PDGFC: variants seen among roughly 807,000 people sequenced by gnomAD.
PDGFC encodes platelet-derived growth factor C.
PDGFC carries 12 observed loss-of-function variants against 35.5 expected under a neutral mutation model. The observed-to-expected ratio is 0.34, with a 90% CI of 0.22 to 0.55. The LOEUF (loss-of-function observed/expected upper bound fraction) is 0.55, where lower values mean the gene tolerates loss of function less well. Among genes scored for constraint, PDGFC ranks in the 20% least tolerant of loss-of-function variants. PDGFC has a pLI of 0.91. For missense variants in PDGFC, 322 were observed against 412.4 expected (o/e 0.78, Z 1.90); for synonymous variants, 159 against 148.8 (o/e 1.07, Z -0.50).
At chr4:156,937,502 C>T (rs1731711524) in intron 1 of PDGFC, among the ~76,000 whole-genome samples, 1 of 152,034 alleles carries the variant, frequency 6.6e-6, no homozygotes, top group African/African-American at 2.4e-5. Flanking sequence ...GAGTTCAAGA[C>T]CAGCCTGGGC....
rs775223528 is a variant in PDGFC, at chr4:156,839,388, C to G, written c.314+10833G>C. On this transcript the variant is annotated intron_variant, in intron 2 of 5. Coordinates refer to ENST00000502773, the MANE Select transcript of PDGFC (RefSeq NM_016205.3). ...CCCTTTTGCTAGGCACTTCTTCCTG[C>G]CCCCATGTGAAGAAGGATGTGTTTG... Among the ~76,000 whole-genome samples, 65 of 152,138 alleles carry G rather than the reference C, an allele frequency of 4.3e-4. 2 individuals are homozygous for G. The highest frequency in any genetic ancestry group is 2.5e-3 in the Admixed American group (38 of 15,276).
At chr4:156,897,182 G>T (rs926828778) in intron 1 of PDGFC, among the ~76,000 whole-genome samples, 4 of 152,118 alleles carry the variant, frequency 2.6e-5, no homozygotes, top group Non-Finnish European at 1.5e-5. Context: ...TAAACAGAGA[G>T]ACATTTGACT....
chr4:156,827,215 A>G (rs1356559580), intron 2 of PDGFC, among the ~76,000 whole-genome samples: 4 of 152,152 alleles, frequency 2.6e-5, no homozygotes, highest in Non-Finnish European at 5.9e-5. Context: ...CAGGAGATTG[A>G]GACCATCCTG....
intron 4 of PDGFC, 37 bp from the exon 5 acceptor site, chr4:156,768,027 T>C: frequency 8.3e-7 from 1 of 1,202,748 alleles, no homozygotes; most frequent in Non-Finnish European, 1.2e-6. Context: ...AAAATAGATG[T>C]TGATGCTTTG....
chr4:156,924,922 G>T (rs1470543464), intron 1 of PDGFC, among the ~76,000 whole-genome samples: 1 of 152,178 alleles, frequency 6.6e-6, no homozygotes, highest in African/African-American at 2.4e-5. Flanking sequence ...GAGACAGGAT[G>T]CAGGCAAAGA....
At chr4:156,821,918 T>C (rs1732273023) in intron 2 of PDGFC, among the ~76,000 whole-genome samples, 1 of 151,906 alleles carries the variant, frequency 6.6e-6, no homozygotes, top group Admixed American at 6.6e-5. Context: ...ATGACAGGGG[T>C]CAAAAATGAT....
chr4:156,965,056 C>T (rs1193958770), intron 1 of PDGFC, among the ~76,000 whole-genome samples: 1 of 152,126 alleles, frequency 6.6e-6, no homozygotes, highest in East Asian at 1.9e-4. Context: ...TATCCATTTG[C>T]CTGGTACCTG....
chr4:156,798,344 C>T (rs1193338604), intron 3 of PDGFC, among the ~76,000 whole-genome samples: 1 of 152,200 alleles, frequency 6.6e-6, no homozygotes, highest in African/African-American at 2.4e-5. Flanking sequence ...GCCTCTATGA[C>T]CTTTCAGAGA....
chr4:156,891,197 G>A (rs1730496114), intron 1 of PDGFC, among the ~76,000 whole-genome samples: 2 of 135,348 alleles, frequency 1.5e-5, no homozygotes, highest in Admixed American at 8.5e-5. Flanking sequence ...GGAAAAATGC[G>A]TGAACCCGGG....
At chr4:156,920,644 A>AACAC (rs10611712) in intron 1 of PDGFC, among the ~76,000 whole-genome samples, 1,825 of 132,000 alleles carry the variant, frequency 0.014, 48 homozygotes, top group South Asian at 0.11. Context: ...AGGAAAAGAA[A>AACAC]ACACACACAC....
At chr4:156,933,849 G>C (rs916177192) in intron 1 of PDGFC, among the ~76,000 whole-genome samples, 1 of 152,070 alleles carries the variant, frequency 6.6e-6, no homozygotes, top group Non-Finnish European at 1.5e-5. Flanking sequence ...GACGTGCCTT[G>C]CTTCCTCTTC....
chr4:156,802,189 C>T (rs540867904), intron 3 of PDGFC, among the ~76,000 whole-genome samples: 1 of 152,186 alleles, frequency 6.6e-6, no homozygotes, highest in Admixed American at 6.5e-5. Flanking sequence ...CTGGGTATAT[C>T]GTTAACTTTG....
intron 2 of PDGFC, among the ~76,000 whole-genome samples, chr4:156,817,031 T>A (rs1732106225): frequency 6.6e-6 from 1 of 152,176 alleles, no homozygotes; most frequent in African/African-American, 2.4e-5. Flanking sequence ...ATAGGCATGC[T>A]TCACAGGACT....
At chr4:156,935,609 A>G (rs1731660257) in intron 1 of PDGFC, among the ~76,000 whole-genome samples, 1 of 152,206 alleles carries the variant, frequency 6.6e-6, no homozygotes, top group South Asian at 2.1e-4. Context: ...ATCATTGACC[A>G]AAACATGGTT....
intron 1 of PDGFC, among the ~76,000 whole-genome samples, chr4:156,963,348 T>C (rs1732386749): frequency 6.6e-6 from 1 of 151,940 alleles, no homozygotes; most frequent in Non-Finnish European, 1.5e-5. Flanking sequence ...CACACACCTG[T>C]AATCCCAGCT....
At chr4:156,830,925 C>G (rs1485841966) in intron 2 of PDGFC, among the ~76,000 whole-genome samples, 3 of 152,282 alleles carry the variant, frequency 2.0e-5, no homozygotes, top group Admixed American at 6.5e-5. Context: ...GCAGAGATTG[C>G]AATGTCTTTG....
In PDGFC at chr4:156,971,434, A is replaced by G. The variant is rs889353921; in HGVS notation, c.-531T>C. On this transcript the variant is annotated 5_prime_UTR_variant, in exon 1 of 6. Transcript: ENST00000502773. Reference sequence around the variant, plus strand: ...CCCCACCCCCCACCCCCGAAGGGGGAGGGGGAAGAAACAAGGCGAGGGCGC... The same window carrying G: ...CCCCACCCCCCACCCCCGAAGGGGGGGGGGGAAGAAACAAGGCGAGGGCGC... 5 of 233,052 alleles carry G rather than the reference A, an allele frequency of 2.1e-5. No individual in the cohort carries two copies. Among genetic ancestry groups the G allele is most frequent in the East Asian group, 1.4e-4 (2 of 14,756 alleles). The allele number at this position is 233,052 out of a possible 1,614,324, so 14.4% of individuals were successfully genotyped here. A position where few individuals can be genotyped will look rare whatever the true frequency, so the allele number is the denominator to read the frequency against.
chr4:156,944,953 T>A (rs1438206823), intron 1 of PDGFC, among the ~76,000 whole-genome samples: 1 of 151,920 alleles, frequency 6.6e-6, no homozygotes, highest in Non-Finnish European at 1.5e-5. Flanking sequence ...CTTGGCCCTG[T>A]CTGTGAAGGC....
intron 1 of PDGFC, among the ~76,000 whole-genome samples, chr4:156,887,211 T>C (rs1439879899): frequency 6.6e-6 from 1 of 152,332 alleles, no homozygotes; most frequent in East Asian, 1.9e-4. Flanking sequence ...CAGCTTACTA[T>C]AGGTCTAAAA....
Sources: allele counts gnomAD v4.1 joint callset (sites outside exome capture counted in the v4.1 genomes callset), GRCh38; gene constraint gnomAD v4.1.1; transcripts MANE v1.5; gene names NCBI Gene and HGNC (gene_info 2026-07-23, HGNC 2026-07-21).